The following ESR2 variants were observed in gnomAD, a reference collection of about 807,000 sequenced individuals.
ESR2 encodes estrogen receptor 2.
In ESR2, 36 loss-of-function variants were observed where a neutral mutation model predicts 49.6. The ratio of observed to expected loss-of-function variants is 0.73; its 90% CI spans 0.56 to 0.96. ESR2 has a LOEUF of 0.96. Ranked by LOEUF, ESR2 falls within the 40% of genes least tolerant of loss-of-function variation. The pLI is 0.00. For missense variants in ESR2, 714 were observed against 693.0 expected, an observed-to-expected ratio of 1.03 and a Z score of -0.34; for synonymous variants, 320 against 266.1, an observed-to-expected ratio of 1.20 and a Z score of -1.97.
At chr14:64,235,395 A>C (rs2075574592) in intron 7 of ESR2, among the ~76,000 whole-genome samples, 1 of 152,238 alleles carries the variant, frequency 6.6e-6, no homozygotes, top group South Asian at 2.1e-4. Flanking sequence ...TGAAGTGTCC[A>C]CCAGGCCCAT....
At position 64,249,537 on chromosome 14, in the gene ESR2, A is replaced by C; in HGVS notation, c.1225+9T>G. ...CGATAAAACATGGCCCAGCTGTGTG[A>C]TTACTTACTGGAATTGAGCAGGATC... On this transcript the variant is annotated intron_variant, in intron 7 of 8. Coordinates refer to ENST00000341099, the MANE Select transcript of ESR2 (RefSeq NM_001437.3). 1.9e-6 allele frequency: 3 copies of C among 1,613,158 alleles called. No individual in the cohort carries two copies. The highest frequency in any genetic ancestry group is 2.5e-6 in the Non-Finnish European group (3 of 1,179,680).
At chr14:64,275,059 T>C (rs1253510609) in intron 3 of ESR2, among the ~76,000 whole-genome samples, 1 of 152,232 alleles carries the variant, frequency 6.6e-6, no homozygotes, top group Non-Finnish European at 1.5e-5. Flanking sequence ...AGGAAAAGAA[T>C]GTGTATGTTG....
At chr14:64,274,185 T>G (rs1025078121) in intron 3 of ESR2, among the ~76,000 whole-genome samples, 26 of 151,540 alleles carry the variant, frequency 1.7e-4, no homozygotes, top group African/African-American at 6.1e-4. Flanking sequence ...TGGGTTAAGG[T>G]GATCCTCCTG....
chr14:64,267,369 T>TA (rs55969613), intron 4 of ESR2, among the ~76,000 whole-genome samples: 64,421 of 151,844 alleles, frequency 0.42, 14,048 homozygotes, highest in Middle Eastern at 0.49. Context: ...TTTGAGAGAA[T>TA]AACCAATAAT....
intron 1 of ESR2, among the ~76,000 whole-genome samples, chr14:64,337,208 T>C (rs1008217873): frequency 3.2e-4 from 48 of 152,214 alleles, no homozygotes; most frequent in Admixed American, 2.0e-4. Context: ...GGGTAACAAA[T>C]TGAGAGATAA....
intron 6 of ESR2, among the ~76,000 whole-genome samples, chr14:64,256,526 C>T (rs2076099048): frequency 6.6e-6 from 1 of 152,110 alleles, no homozygotes; most frequent in Non-Finnish European, 1.5e-5. Flanking sequence ...GTCAGGAGTT[C>T]AAGACCAGCC....
intron 3 of ESR2, among the ~76,000 whole-genome samples, chr14:64,277,697 A>G (rs1430539321): frequency 6.6e-6 from 1 of 151,174 alleles, no homozygotes; most frequent in African/African-American, 2.4e-5. Flanking sequence ...GGCCTATTTG[A>G]GACAATTTTA....
chr14:64,283,035 T>C lies in ESR2; in HGVS notation c.-50A>G, dbSNP rs774892627. ...CACCTTGCAAGAAGAGGCACAAAGGTCATTATAATGTTCTCAAAGATTCGT... is the reference window on the plus strand; with the variant it reads ...CACCTTGCAAGAAGAGGCACAAAGGCCATTATAATGTTCTCAAAGATTCGT... On this transcript the variant is annotated 5_prime_UTR_variant, in exon 2 of 9. Transcript: ENST00000341099. 5.8e-6 allele frequency: 9 copies of C among 1,553,822 alleles called. No individual in the cohort carries two copies. Among genetic ancestry groups the C allele is most frequent in the African/African-American group, 1.4e-5 (1 of 73,208 alleles).
chr14:64,285,343 C>G (rs1244661145), intron 1 of ESR2, among the ~76,000 whole-genome samples: 1 of 152,176 alleles, frequency 6.6e-6, no homozygotes, highest in East Asian at 1.9e-4. Context: ...ACCCATCATT[C>G]CACACGAATC....
At chr14:64,238,385 G>C (rs2075651416) in intron 7 of ESR2, among the ~76,000 whole-genome samples, 1 of 152,130 alleles carries the variant, frequency 6.6e-6, no homozygotes, top group Non-Finnish European at 1.5e-5. Context: ...CAAAAAGACT[G>C]ACTTACATAA....
Position 64,293,206 on chromosome 14 carries a change from C to T in ESR2, c.-91+827G>A, listed in dbSNP as rs994789385. 2.0e-5 allele frequency among the ~76,000 whole-genome samples: 3 copies of T among 152,218 alleles called. No individual in the cohort carries two copies. In the South Asian group the frequency reaches 6.2e-4, roughly 31 times the overall value. On this transcript the variant is annotated intron_variant, in intron 1 of 8. Coordinates refer to ENST00000341099, the MANE Select transcript of ESR2 (RefSeq NM_001437.3). ...TTACAACACTCTCAGAAAAGCCTTT[C>T]CTTTCACATGTTCACTTTTTAAATT...
chr14:64,285,809 A>G (rs2076773982), intron 1 of ESR2, among the ~76,000 whole-genome samples: 1 of 145,922 alleles, frequency 6.9e-6, no homozygotes, highest in Non-Finnish European at 1.5e-5. Flanking sequence ...CCCAGGTGAC[A>G]GAGTGAGACT....
intron 4 of ESR2, among the ~76,000 whole-genome samples, chr14:64,263,870 C>G (rs2076271207): frequency 6.6e-6 from 1 of 152,030 alleles, no homozygotes; most frequent in Non-Finnish European, 1.5e-5. Context: ...AGATATTTTG[C>G]AAAAATTATC....
At chr14:64,275,482 C>G (rs1377671786) in intron 3 of ESR2, among the ~76,000 whole-genome samples, 7 of 151,992 alleles carry the variant, frequency 4.6e-5, no homozygotes, top group Non-Finnish European at 1.0e-4. Context: ...GTGGGCTGAT[C>G]TCCTGAGGTC....
chr14:64,303,489 C>T (rs754077067), intron 1 of ESR2: 2 of 151,618 alleles, frequency 1.3e-5, no homozygotes, highest in Non-Finnish European at 2.9e-5. Context: ...TGTTCTCGCT[C>T]CTTAATCCAT....
At chr14:64,273,485 T>C (rs2076491820) in intron 3 of ESR2, among the ~76,000 whole-genome samples, 1 of 152,202 alleles carries the variant, frequency 6.6e-6, no homozygotes, top group African/African-American at 2.4e-5. Context: ...ATTCTGTCTA[T>C]ACCCAGTTTT....
intron 4 of ESR2, among the ~76,000 whole-genome samples, chr14:64,262,663 C>CGGCGGGTGG (rs2076246833): frequency 7.2e-6 from 1 of 138,006 alleles, no homozygotes; most frequent in South Asian, 2.7e-4. Context: ...AAGGTGGTTT[C>CGGCGGGTGG]GGCGGGTGGG....
At chr14:64,258,124 G>T (rs1039568459) in intron 5 of ESR2, among the ~76,000 whole-genome samples, 1 of 152,070 alleles carries the variant, frequency 6.6e-6, no homozygotes, top group East Asian at 1.9e-4. Flanking sequence ...TGGGATGATC[G>T]CCTGAGCCCA....
chr14:64,247,733 G>GA (rs770466786), intron 7 of ESR2, among the ~76,000 whole-genome samples: 58 of 152,298 alleles, frequency 3.8e-4, no homozygotes, highest in Non-Finnish European at 7.2e-4. Flanking sequence ...GGCTGGCTTA[G>GA]ACACCAGGTA....
Sources: gnomAD v4.1 joint callset for allele counts (sites outside exome capture counted in the v4.1 genomes callset) on GRCh38, gnomAD v4.1.1 for gene constraint, MANE v1.5 for transcripts, NCBI Gene and HGNC (gene_info 2026-07-23, HGNC 2026-07-21) for gene names.